Variants in ASXL2 observed in about 807,000 individuals in gnomAD.
ASXL2 encodes ASXL transcriptional regulator 2.
A neutral mutation model predicts 122.0 loss-of-function variants in ASXL2; 23 were observed. The observed-to-expected ratio is 0.19, with a 90% CI of 0.14 to 0.27. ASXL2 has a LOEUF of 0.27. Among genes scored for constraint, ASXL2 ranks in the 10% least tolerant of loss-of-function variants. The probability of loss-of-function intolerance (pLI) is 1.00; values close to 1 mark genes in which losing one functional copy is unlikely to be tolerated. For synonymous variants in ASXL2, 650 were observed against 637.0 expected (o/e 1.02, Z -0.31); for missense variants, 1,518 against 1,713.8 (o/e 0.89, Z 2.02).
At position 25,734,586 on chromosome 2, in the gene ASXL2, G is replaced by C. The variant is rs1019726182; in HGVS notation, c.*7443C>G. ...TTCTAAAGTATCTTCAGATATTTTG[G>C]TAACATTTAATGCACTGCTTTCTAA... On this transcript the variant is annotated 3_prime_UTR_variant, in exon 13 of 13. Coordinates refer to ENST00000435504, the MANE Select transcript of ASXL2 (RefSeq NM_018263.6). The C allele has an allele frequency of 6.6e-6, 1 of 152,104 alleles. No individual in the cohort carries two copies. The highest frequency in any genetic ancestry group is 1.5e-5 in the Non-Finnish European group (1 of 68,010). The allele number at this position is 152,104 out of a possible 1,614,324, so 9.4% of individuals were successfully genotyped here. A position where few individuals can be genotyped will look rare whatever the true frequency, so the allele number is the denominator to read the frequency against.
In ASXL2 at chr2:25,758,293, TTC is replaced by T. The variant is rs1210391421; in HGVS notation, c.939+1187_939+1188del. ...AATAATGAATTCTGTAGCTTACTCA[TTC>T]TCTGTTATCCTCTTACTACGAACAA... On this transcript the variant is annotated intron_variant, in intron 9 of 12. Transcript: ENST00000435504. 5.9e-5 allele frequency among the ~76,000 whole-genome samples: 9 copies of T among 152,374 alleles called. No homozygotes were observed. The East Asian group carries it at 1.7e-3, about 29-fold the overall frequency.
intron 7 of ASXL2, 94 bp from the exon 8 acceptor site, chr2:25,767,820 G>T: frequency 7.0e-7 from 1 of 1,421,852 alleles, no homozygotes; most frequent in Non-Finnish European, 9.7e-7. Context: ...ATGAAGTTAT[G>T]TATGAGGCAA....
chr2:25,793,987 C>A (rs1181576891), intron 5 of ASXL2, among the ~76,000 whole-genome samples: 1 of 152,212 alleles, frequency 6.6e-6, no homozygotes, highest in African/African-American at 2.4e-5. Flanking sequence ...AAGAGAAAAT[C>A]TCCTAAAGGT....
intron 2 of ASXL2, among the ~76,000 whole-genome samples, chr2:25,842,917 G>C (rs1243748029): frequency 6.6e-6 from 1 of 151,266 alleles, no homozygotes; most frequent in East Asian, 2.0e-4. Flanking sequence ...CACCTCCCAG[G>C]TTCCAGCTAT....
At chr2:25,781,262 G>A (rs1177565881) in intron 5 of ASXL2, among the ~76,000 whole-genome samples, 4 of 151,972 alleles carry the variant, frequency 2.6e-5, no homozygotes, top group African/African-American at 7.2e-5. Flanking sequence ...GGCCAGGCAC[G>A]GTGGCTCACG....
intron 5 of ASXL2, among the ~76,000 whole-genome samples, chr2:25,776,736 TAAC>T (rs1414144642): frequency 2.6e-5 from 4 of 152,328 alleles, no homozygotes; most frequent in South Asian, 2.1e-4. Context: ...AATATTTTCT[TAAC>T]AACGTCTTGC....
At chr2:25,805,382 A>G (rs775770845) in intron 4 of ASXL2, among the ~76,000 whole-genome samples, 5 of 151,804 alleles carry the variant, frequency 3.3e-5, no homozygotes, top group Non-Finnish European at 4.4e-5. Context: ...TAAAAATGGA[A>G]TATTTATCAT....
At chr2:25,851,905 G>T (rs1017136644) in intron 1 of ASXL2, among the ~76,000 whole-genome samples, 3 of 151,470 alleles carry the variant, frequency 2.0e-5, no homozygotes, top group African/African-American at 7.3e-5. Context: ...ACCAAAAAAA[G>T]AAAGAAAATG....
chr2:25,770,209 T>C (rs904533179), intron 6 of ASXL2, among the ~76,000 whole-genome samples: 1 of 152,210 alleles, frequency 6.6e-6, no homozygotes, highest in Non-Finnish European at 1.5e-5. Context: ...TTATTTTTTA[T>C]TATTTAATTT....
intron 2 of ASXL2, among the ~76,000 whole-genome samples, chr2:25,842,784 GTGTGTGTGTATATA>G (rs1261339669): frequency 1.6e-5 from 2 of 126,528 alleles, no homozygotes; most frequent in Admixed American, 7.5e-5. Flanking sequence ...GTGTGTGTGT[GTGTGTGTGTATATA>G]TATATATATA....
intron 1 of ASXL2, chr2:25,857,089 GC>G (rs2089789035): frequency 6.1e-5 from 5 of 82,144 alleles, no homozygotes; most frequent in African/African-American, 2.5e-4. Flanking sequence ...TTTGGGGGGG[GC>G]GGGGGGGGGG....
At chr2:25,784,043 A>C (rs1487997002) in intron 5 of ASXL2, among the ~76,000 whole-genome samples, 2 of 147,110 alleles carry the variant, frequency 1.4e-5, no homozygotes, top group African/African-American at 2.5e-5. Context: ...GAAAGAGTGA[A>C]ACTCCATCTC....
intron 1 of ASXL2, among the ~76,000 whole-genome samples, chr2:25,855,947 G>A (rs1164418063): frequency 6.6e-6 from 1 of 150,936 alleles, no homozygotes; most frequent in Non-Finnish European, 1.5e-5. Flanking sequence ...AGGCTGCAGT[G>A]CAGTGGCGTG....
intron 3 of ASXL2, among the ~76,000 whole-genome samples, chr2:25,823,610 T>C (rs537742374): frequency 9.2e-5 from 14 of 152,320 alleles, no homozygotes; most frequent in African/African-American, 3.4e-4. Context: ...GCACGGAAGA[T>C]GAAGAAAGCT....
intron 11 of ASXL2, among the ~76,000 whole-genome samples, chr2:25,751,587 T>C (rs1178716739): frequency 6.6e-6 from 1 of 151,636 alleles, no homozygotes; most frequent in Non-Finnish European, 1.5e-5. Flanking sequence ...TGAACCGTGA[T>C]TGTGCCACTG....
chr2:25,771,319 GA>G, intron 6 of ASXL2, 120 bp downstream of exon 6: 1 of 782,496 alleles, frequency 1.3e-6, no homozygotes, highest in Non-Finnish European at 2.0e-6. Flanking sequence ...GCTACTGCAT[GA>G]AAGTTCCACT....
intron 1 of ASXL2, among the ~76,000 whole-genome samples, chr2:25,867,785 G>A (rs10205527): frequency 0.35 from 53,914 of 152,076 alleles, 12,321 homozygotes; most frequent in Non-Finnish European, 0.51. Context: ...TCAAACATAC[G>A]CTGCATTTTT....
At chr2:25,784,390 C>T (rs1346424478) in intron 5 of ASXL2, among the ~76,000 whole-genome samples, 1 of 152,132 alleles carries the variant, frequency 6.6e-6, no homozygotes, top group Non-Finnish European at 1.5e-5. Flanking sequence ...GAGATGATGA[C>T]TATACAATAT....
intron 1 of ASXL2, among the ~76,000 whole-genome samples, chr2:25,848,767 C>T (rs6753958): frequency 1.6e-3 from 238 of 151,358 alleles, no homozygotes; most frequent in African/African-American, 4.2e-3. Flanking sequence ...TTAAGGAGGC[C>T]GGGCACCGTG....
Sources: gnomAD v4.1 joint callset for allele counts (sites outside exome capture counted in the v4.1 genomes callset) on GRCh38, gnomAD v4.1.1 for gene constraint, MANE v1.5 for transcripts, NCBI Gene and HGNC (gene_info 2026-07-23, HGNC 2026-07-21) for gene names.